KIF1B: variants seen among roughly 807,000 people sequenced by gnomAD.
The protein encoded by KIF1B is kinesin family member 1B, also known as kinesin-like protein KIF1B.
KIF1B carries 76 observed loss-of-function variants against 241.9 expected under a neutral mutation model. That is an observed-to-expected ratio of 0.31 (90% CI 0.26 to 0.38). The LOEUF is 0.38. Among genes scored for constraint, KIF1B ranks in the 10% least tolerant of loss-of-function variants. KIF1B has a pLI of 1.00. For missense variants in KIF1B, 1,622 were observed against 2,271.4 expected (o/e 0.71, Z 5.81); for synonymous variants, 750 against 796.7 (o/e 0.94, Z 0.99).
chr1:10,274,831 AATT>A (rs548236405), intron 10 of KIF1B: 72 of 248,150 alleles, frequency 2.9e-4, no homozygotes, highest in South Asian at 6.1e-4. Flanking sequence ...GATGTTAGGG[AATT>A]ATTGTTTATT....
chr1:10,318,581 T>C (rs1651395045), intron 22 of KIF1B, among the ~76,000 whole-genome samples: 1 of 151,950 alleles, frequency 6.6e-6, no homozygotes, highest in African/African-American at 2.4e-5. Context: ...TAGTCGGGCA[T>C]GGTGGCGGGC....
chr1:10,271,975 C>T (rs933237388), intron 8 of KIF1B, among the ~76,000 whole-genome samples: 3 of 152,060 alleles, frequency 2.0e-5, no homozygotes, highest in African/African-American at 7.2e-5. Flanking sequence ...AATTTCATGT[C>T]GATAAGTTGA....
chr1:10,333,798 G>A lies in KIF1B; in HGVS notation c.2925-722G>A, dbSNP rs1652053106. Among the ~76,000 whole-genome samples the A allele has an allele frequency of 4.0e-5, 6 of 151,830 alleles. No homozygotes were observed. The South Asian group carries it at 1.3e-3, about 32-fold the overall frequency. On this transcript the variant is annotated intron_variant, in intron 27 of 48. Coordinates refer to ENST00000676179, the MANE Select transcript of KIF1B (RefSeq NM_001365951.3). ...CATTTCCCTGCCTTTTTTGTCTCCTGGTTTCTGTTTTATCTATTGGGAAAA... is the reference window on the plus strand; with the variant it reads ...CATTTCCCTGCCTTTTTTGTCTCCTAGTTTCTGTTTTATCTATTGGGAAAA...
intron 22 of KIF1B, among the ~76,000 whole-genome samples, chr1:10,308,850 C>A (rs1318243087): frequency 6.6e-6 from 1 of 152,294 alleles, no homozygotes; most frequent in Middle Eastern, 3.4e-3. Context: ...TACATAAAAT[C>A]TTTTCTCACA....
intron 22 of KIF1B, chr1:10,304,051 CG>C (rs768838344): frequency 6.2e-7 from 1 of 1,611,164 alleles, no homozygotes; most frequent in Non-Finnish European, 8.5e-7. Context: ...TCCTGAGAAC[CG>C]GAAGCCCCGC....
Position 10,219,978 on chromosome 1 carries a change from G to A in KIF1B, c.-80+9100G>A, listed in dbSNP as rs574126756. On this transcript the variant is annotated intron_variant, in intron 1 of 48. Transcript: ENST00000676179. ...AGCACTTTGGGAGGCTGAGGCAGGC[G>A]GATCACCTGAGGTCAAGAGTTCGAG... 6.8e-4 allele frequency among the ~76,000 whole-genome samples: 103 copies of A among 151,988 alleles called. 1 individual carries two copies. The highest frequency in any genetic ancestry group is 2.4e-3 in the African/African-American group (98 of 41,480).
At chr1:10,324,241 A>ATGCACTCCTCACACACTCTGACATTT (rs1173124305) in intron 25 of KIF1B, among the ~76,000 whole-genome samples, 179 bp downstream of exon 25, 15 of 152,280 alleles carry the variant, frequency 9.9e-5, no homozygotes. Context: ...AAGTGAATAA[A>ATGCACTCCTCACACACTCTGACATTT]TGCACTCCTC....
At chr1:10,222,221 G>T (rs1420061223) in intron 1 of KIF1B, among the ~76,000 whole-genome samples, 3 of 152,180 alleles carry the variant, frequency 2.0e-5, no homozygotes, top group East Asian at 3.8e-4. Flanking sequence ...CCTGCTCCAT[G>T]GTCTCATTTG....
intron 19 of KIF1B, among the ~76,000 whole-genome samples, chr1:10,296,092 T>A (rs897180196): frequency 2.0e-5 from 3 of 152,218 alleles, no homozygotes; most frequent in African/African-American, 7.2e-5. Flanking sequence ...GGACATTAAG[T>A]CAACCCAGCA....
chr1:10,293,479 T>A (rs1650112582), intron 17 of KIF1B, among the ~76,000 whole-genome samples: 1 of 147,934 alleles, frequency 6.8e-6, no homozygotes, highest in Non-Finnish European at 1.5e-5. Context: ...CACTGCAACC[T>A]CCGCCTCCCG....
chr1:10,343,132 T>G, intron 33 of KIF1B, 100 bp from the exon 34 acceptor site: 3 of 1,291,926 alleles, frequency 2.3e-6, no homozygotes, highest in Non-Finnish European at 1.1e-6. Context: ...GTGAAACCCC[T>G]AAAGAGAAGG....
rs1472940878 is a variant in KIF1B at position 10,379,543 on chromosome 1, C to G, written c.*2956C>G. On this transcript the variant is annotated 3_prime_UTR_variant, in exon 49 of 49. Transcript: ENST00000676179. ...TGTGGCAGGAACTGTTTATGAGGCT[C>G]TAGTTGTTGCTGTTGTGGCGGGAAA... 6 of 231,780 alleles carry G rather than the reference C, an allele frequency of 2.6e-5. No individual in the cohort carries two copies. Among genetic ancestry groups the G allele is most frequent in the Admixed American group, 2.3e-4 (4 of 17,744 alleles). 14.4% of individuals were successfully genotyped at this position (231,780 alleles called of 1,614,324 possible).
intron 22 of KIF1B, among the ~76,000 whole-genome samples, chr1:10,298,454 T>C (rs1650376287): frequency 6.6e-6 from 1 of 152,134 alleles, no homozygotes; most frequent in African/African-American, 2.4e-5. Context: ...AGTAAAGCCC[T>C]AAAAAGAATG....
intron 22 of KIF1B, among the ~76,000 whole-genome samples, chr1:10,312,895 A>G (rs1651129123): frequency 6.6e-6 from 1 of 151,514 alleles, no homozygotes; most frequent in African/African-American, 2.5e-5. Context: ...CATTTGGCAC[A>G]TAGTAGGAGC....
At chr1:10,235,425 G>A (rs1012894559) in intron 2 of KIF1B, among the ~76,000 whole-genome samples, 8 of 151,876 alleles carry the variant, frequency 5.3e-5, no homozygotes, top group Non-Finnish European at 4.4e-5. Context: ...GCAAATTTTT[G>A]TAGTTTTAGT....
At chr1:10,319,172 G>C (rs1569815424) in intron 22 of KIF1B, among the ~76,000 whole-genome samples, 1 of 146,218 alleles carries the variant, frequency 6.8e-6, no homozygotes. Context: ...CGCGATCTCT[G>C]TTCACTTCAA....
chr1:10,356,415 T>C lies in KIF1B; in HGVS notation c.4055+3679T>C, dbSNP rs899619460. The stretch of plus-strand genomic sequence containing the variant: ...ATATATTTGACTGATGTTACTGATA[T>C]AATGATTTTATCCCTCAATTTGGAC... On this transcript the variant is annotated intron_variant, in intron 38 of 48. Transcript: ENST00000676179. Among the ~76,000 whole-genome samples the C allele has an allele frequency of 2.0e-5, 3 of 152,172 alleles. No individual in the cohort carries two copies. In the East Asian group the frequency reaches 5.8e-4, roughly 30 times the overall value.
At position 10,297,349 on chromosome 1, in the gene KIF1B, T is replaced by A. The variant is rs192019476; in HGVS notation, c.2115+103T>A. On this transcript the variant is annotated intron_variant, in intron 22 of 48. Coordinates refer to ENST00000676179, the MANE Select transcript of KIF1B (RefSeq NM_001365951.3). ...CTCACCCAAATTGCTTCTGTCTCAATGATACCAAGCACTATTCTTTAATTT... is the reference window on the plus strand; with the variant it reads ...CTCACCCAAATTGCTTCTGTCTCAAAGATACCAAGCACTATTCTTTAATTT... 5 of 922,826 alleles carry A rather than the reference T, an allele frequency of 5.4e-6. No homozygotes were observed. In the Admixed American group the frequency reaches 7.0e-5, roughly 13 times the overall value. 57.2% of individuals were successfully genotyped at this position (922,826 alleles called of 1,614,324 possible). A position where few individuals can be genotyped will look rare whatever the true frequency, so the allele number is the denominator to read the frequency against.
At chr1:10,371,302 A>C (rs1276078703) in intron 45 of KIF1B, 40 bp downstream of exon 45, 1 of 1,611,810 alleles carries the variant, frequency 6.2e-7, no homozygotes, top group African/African-American at 1.3e-5. Flanking sequence ...CAATCTAAGA[A>C]CCAAGGTAAA....
Sources: gnomAD v4.1 joint callset for allele counts (sites outside exome capture counted in the v4.1 genomes callset) on GRCh38, gnomAD v4.1.1 for gene constraint, MANE v1.5 for transcripts, NCBI Gene and HGNC (gene_info 2026-07-23, HGNC 2026-07-21) for gene names.